NCKAP5: variants seen among roughly 807,000 people sequenced by gnomAD.
NCKAP5 encodes the protein NCK associated protein 5.
A neutral mutation model predicts 167.0 loss-of-function variants in NCKAP5; 92 were observed. That is an observed-to-expected ratio of 0.55 (90% CI 0.47 to 0.66). The LOEUF is 0.66. Among genes scored for constraint, NCKAP5 ranks in the 30% least tolerant of loss-of-function variants. The pLI, the probability that NCKAP5 is intolerant of heterozygous loss-of-function variation, is 0.00. For missense variants in NCKAP5, 2,378 were observed against 2,315.0 expected, an observed-to-expected ratio of 1.03 and a Z score of -0.56; for synonymous variants, 891 against 877.4, an observed-to-expected ratio of 1.02 and a Z score of -0.27.
At chr2:133,367,289 C>T (rs760463638) in intron 3 of NCKAP5, among the ~76,000 whole-genome samples, 1 of 152,150 alleles carries the variant, frequency 6.6e-6, no homozygotes, top group African/African-American at 2.4e-5. Flanking sequence ...AAAGCCACAG[C>T]GGAGGTGACC....
chr2:133,338,971 G>C (rs769950217), intron 3 of NCKAP5, among the ~76,000 whole-genome samples: 1 of 152,176 alleles, frequency 6.6e-6, no homozygotes, highest in Non-Finnish European at 1.5e-5. Flanking sequence ...AGTGAGCCAA[G>C]ATCTTGCCAC....
chr2:132,861,567 G>A (rs1300896361), intron 10 of NCKAP5, among the ~76,000 whole-genome samples: 1 of 151,918 alleles, frequency 6.6e-6, no homozygotes, highest in African/African-American at 2.4e-5. Context: ...GTTCTCTAAA[G>A]CTCTACGCAT....
chr2:133,188,045 G>A (rs2085028911), intron 5 of NCKAP5, among the ~76,000 whole-genome samples: 2 of 152,050 alleles, frequency 1.3e-5, no homozygotes, highest in South Asian at 4.1e-4. Context: ...TTGCTAGTTA[G>A]CTGATGCAGT....
chr2:132,998,974 C>G (rs1281835502), intron 6 of NCKAP5, among the ~76,000 whole-genome samples: 5 of 151,986 alleles, frequency 3.3e-5, no homozygotes, highest in Non-Finnish European at 7.4e-5. Flanking sequence ...CCATTTTTTC[C>G]CCTAAATATT....
chr2:133,052,782 G>A (rs565184868), intron 6 of NCKAP5, among the ~76,000 whole-genome samples: 1 of 151,214 alleles, frequency 6.6e-6, no homozygotes, highest in Admixed American at 6.6e-5. Context: ...TATGAAAAAG[G>A]TCTCTTTTCT....
chr2:133,523,075 C>T (rs1684603208), intron 2 of NCKAP5, among the ~76,000 whole-genome samples: 1 of 150,806 alleles, frequency 6.6e-6, no homozygotes, highest in African/African-American at 2.4e-5. Context: ...TACTCAGTAT[C>T]TGTAGAAATC....
At position 132,783,889 on chromosome 2, in the gene NCKAP5, C is replaced by G. The variant is rs1482808056; in HGVS notation, c.2922G>C (p.Leu974=). The part of the protein sequence containing the change: ...TARTPFKSPL[L]KGISAPVISS... ...AAATAACTGGAGCAGAAATTCCTTT[C>G]AGCAGCGGGGATTTGAATGGGGTCC... The change falls in exon 14 of 20, where the codon CTG becomes CTC. Residue 974 remains leucine, a synonymous_variant. Coordinates refer to ENST00000409261, the MANE Select transcript of NCKAP5 (RefSeq NM_207363.3). 1 of 1,540,766 alleles carries G rather than the reference C, an allele frequency of 6.5e-7. No homozygotes were observed.
chr2:132,829,541 T>A (rs532471747), intron 11 of NCKAP5, among the ~76,000 whole-genome samples: 1 of 152,344 alleles, frequency 6.6e-6, no homozygotes, highest in South Asian at 2.1e-4. Flanking sequence ...AGAGTGAGCA[T>A]GCCTGACAAG....
intron 6 of NCKAP5, among the ~76,000 whole-genome samples, chr2:133,038,784 A>G (rs2079117382): frequency 6.6e-6 from 1 of 152,200 alleles, no homozygotes; most frequent in South Asian, 2.1e-4. Context: ...ATTAAAAAAA[A>G]TAAATAAAAT....
intron 7 of NCKAP5, among the ~76,000 whole-genome samples, chr2:132,978,134 T>C (rs1471638443): frequency 1.3e-5 from 2 of 152,168 alleles, no homozygotes; most frequent in Non-Finnish European, 1.5e-5. Flanking sequence ...AGTCAGAATA[T>C]GTATGTGAAA....
chr2:133,119,897 ATATG>A (rs1484393403), intron 6 of NCKAP5, among the ~76,000 whole-genome samples: 1 of 151,942 alleles, frequency 6.6e-6, no homozygotes, highest in Non-Finnish European at 1.5e-5. Context: ...TCTCCCTATC[ATATG>A]TAAGGTTATA....
chr2:133,149,693 A>G (rs1218243967), intron 5 of NCKAP5, among the ~76,000 whole-genome samples: 2 of 152,148 alleles, frequency 1.3e-5, no homozygotes, highest in African/African-American at 4.8e-5. Flanking sequence ...TTCATTCATT[A>G]ACTATTTAGT....
Position 132,929,751 on chromosome 2 carries a change from C to G in NCKAP5, c.579+33969G>C, listed in dbSNP as rs1422218571. 2.6e-5 allele frequency: 4 copies of G among 152,128 alleles called. No homozygotes were observed. In the East Asian group the frequency reaches 7.7e-4, roughly 29 times the overall value. The allele number at this position is 152,128 out of a possible 1,614,324, so 9.4% of individuals were successfully genotyped here. On this transcript the variant is annotated intron_variant, in intron 8 of 19. Transcript: ENST00000409261. ...TGATTTGCCTCATTTCTTTACTTCT[C>G]TCAGTGTTGTCTTCTCTTCTGCCCC...
At chr2:133,091,630 G>A (rs1464075683) in intron 6 of NCKAP5, among the ~76,000 whole-genome samples, 1 of 152,196 alleles carries the variant, frequency 6.6e-6, no homozygotes, top group African/African-American at 2.4e-5. Context: ...GCTCCCGCCT[G>A]TAATCCCAGC....
At chr2:133,298,365 T>A (rs1680111887) in intron 4 of NCKAP5, among the ~76,000 whole-genome samples, 1 of 152,178 alleles carries the variant, frequency 6.6e-6, no homozygotes, top group Non-Finnish European at 1.5e-5. Flanking sequence ...TTAGATCCTC[T>A]GACACTATAT....
chr2:133,086,395 T>C (rs889988608), intron 6 of NCKAP5, among the ~76,000 whole-genome samples: 5 of 152,112 alleles, frequency 3.3e-5, no homozygotes, highest in East Asian at 3.8e-4. Flanking sequence ...CTCCGCACTA[T>C]GGGAGAACGA....
intron 2 of NCKAP5, among the ~76,000 whole-genome samples, chr2:133,533,875 C>T (rs994688529): frequency 5.3e-5 from 8 of 152,196 alleles, no homozygotes; most frequent in Middle Eastern, 3.4e-3. Flanking sequence ...TAATAGATTA[C>T]CTAAGGTATG....
intron 19 of NCKAP5, among the ~76,000 whole-genome samples, chr2:132,704,565 C>T (rs928646632): frequency 6.6e-6 from 1 of 152,188 alleles, no homozygotes; most frequent in East Asian, 1.9e-4. Flanking sequence ...CCAAAGAGCA[C>T]CTCCTGGTTT....
chr2:132,912,345 C>G (rs759206259), intron 8 of NCKAP5, among the ~76,000 whole-genome samples: 1 of 152,102 alleles, frequency 6.6e-6, no homozygotes, highest in Admixed American at 6.5e-5. Context: ...AAAATGCATT[C>G]AAATAACCCA....
Sources: allele counts gnomAD v4.1 joint callset (sites outside exome capture counted in the v4.1 genomes callset), GRCh38; gene constraint gnomAD v4.1.1; transcripts MANE v1.5; gene names NCBI Gene and HGNC (gene_info 2026-07-23, HGNC 2026-07-21).